TTC6: variants seen among roughly 807,000 people sequenced by gnomAD.
TTC6 encodes tetratricopeptide repeat protein 6.
Under a neutral mutation model 210.4 loss-of-function variants are expected in TTC6, and 172 were observed. The ratio of observed to expected loss-of-function variants is 0.82; its 90% CI spans 0.72 to 0.93. The LOEUF is 0.93. Ranked by LOEUF, TTC6 falls within the 40% of genes least tolerant of loss-of-function variation. TTC6 has a pLI of 0.00. For missense variants in TTC6, 2,414 were observed against 2,318.1 expected, an observed-to-expected ratio of 1.04 and a Z score of -0.85; for synonymous variants, 804 against 819.6, an observed-to-expected ratio of 0.98 and a Z score of 0.32.
chr14:37,619,341 T>C (rs1403087506), upstream of TTC6, among the ~76,000 whole-genome samples: 1 of 152,190 alleles, frequency 6.6e-6, no homozygotes, highest in East Asian at 1.9e-4. Context: ...ATTTGGGGGA[T>C]AAACAGGAGA....
intron 29 of TTC6, among the ~76,000 whole-genome samples, chr14:37,828,892 G>A (rs1188395156): frequency 1.3e-5 from 2 of 151,816 alleles, no homozygotes; most frequent in African/African-American, 4.8e-5. Context: ...TTATTTGAGG[G>A]TTCCTATATA....
rs2095609038 is a variant in TTC6, at chr14:37,598,547, C to T, written c.-235+2539C>T. ...TCGGTCCTTTGACCACGCTTGGCTG[C>T]CTCAGCTTACACTTCCCAGCAGGAT... On this transcript the variant is annotated intron_variant, in intron 1 of 2. Coordinates refer to the TTC6 transcript ENST00000556845. The surrounding 1 kb of genome is among the most constrained non-coding windows in gnomAD (Gnocchi z 4.9). Among the ~76,000 whole-genome samples the T allele has an allele frequency of 6.6e-6, 1 of 152,226 alleles. No homozygotes were observed. The highest frequency in any genetic ancestry group is 2.1e-4 in the South Asian group (1 of 4,836).
intron 3 of TTC6, among the ~76,000 whole-genome samples, chr14:37,696,079 C>A (rs944167624): frequency 1.3e-5 from 2 of 152,076 alleles, no homozygotes; most frequent in African/African-American, 4.8e-5. Flanking sequence ...CTTCATCACC[C>A]AAGAAGTTGC....
chr14:37,659,694 T>C (rs1229521660), intron 1 of TTC6, among the ~76,000 whole-genome samples: 1 of 152,142 alleles, frequency 6.6e-6, no homozygotes. Context: ...CTAATTTTTG[T>C]ATTTTTAGTA....
intron 1 of TTC6, 23 bp downstream of exon 1, chr14:37,596,031 A>T (rs981103183): frequency 6.7e-6 from 1 of 148,836 alleles, no homozygotes; most frequent in Non-Finnish European, 1.5e-5. Context: ...ACCGGTTTAT[A>T]TCTTTATGAC....
intron 14 of TTC6, among the ~76,000 whole-genome samples, chr14:37,771,994 C>A (rs2096020555): frequency 6.6e-6 from 1 of 152,008 alleles, no homozygotes; most frequent in Non-Finnish European, 1.5e-5. Flanking sequence ...TGTGAATGTC[C>A]TTTCTGTTTG....
At chr14:37,667,583 A>C (rs2095750630) in intron 1 of TTC6, among the ~76,000 whole-genome samples, 1 of 150,638 alleles carries the variant, frequency 6.6e-6, no homozygotes. Flanking sequence ...TCCCATTTAG[A>C]CTCAAGACAG....
intron 7 of TTC6, among the ~76,000 whole-genome samples, chr14:37,726,594 C>T (rs1269143724): frequency 6.6e-6 from 1 of 151,642 alleles, no homozygotes; most frequent in Non-Finnish European, 1.5e-5. Context: ...TTGGACTTTG[C>T]TATCAGAGCT....
chr14:37,645,491 G>C (rs2095699922), intron 1 of TTC6, among the ~76,000 whole-genome samples: 1 of 152,174 alleles, frequency 6.6e-6, no homozygotes, highest in East Asian at 1.9e-4. Flanking sequence ...GTCTTAGATG[G>C]CAATAAGTAA....
intron 26 of TTC6, among the ~76,000 whole-genome samples, 197 bp downstream of exon 28, chr14:37,817,848 T>A (rs956828073): frequency 4.6e-5 from 7 of 152,156 alleles, no homozygotes; most frequent in Non-Finnish European, 8.8e-5. Context: ...CTCAGCACCC[T>A]TCTGCCTTCT....
intron 29 of TTC6, among the ~76,000 whole-genome samples, chr14:37,837,167 C>G (rs1457772583): frequency 2.6e-5 from 4 of 152,156 alleles, no homozygotes; most frequent in Non-Finnish European, 5.9e-5. Flanking sequence ...TATTTGGAAG[C>G]TATAGTAGAA....
At chr14:37,656,290 C>T (rs1373667034) in intron 1 of TTC6, among the ~76,000 whole-genome samples, 1 of 152,154 alleles carries the variant, frequency 6.6e-6, no homozygotes, top group Admixed American at 6.5e-5. Flanking sequence ...CCAAGATAGA[C>T]TCCTTTAAAG....
At chr14:37,795,222 A>G (rs1434605431) in intron 17 of TTC6, 48 bp from the exon 20 acceptor site, 2 of 1,298,358 alleles carry the variant, frequency 1.5e-6, no homozygotes, top group Non-Finnish European at 2.1e-6. Flanking sequence ...ATCAGAAAGG[A>G]AGCAATCGAT....
At chr14:37,814,477 C>T (rs1296826506) in intron 25 of TTC6, among the ~76,000 whole-genome samples, 2 of 151,872 alleles carry the variant, frequency 1.3e-5, no homozygotes, top group African/African-American at 2.4e-5. Flanking sequence ...AGCAGAGAAA[C>T]AGAAATGGAG....
intron 7 of TTC6, among the ~76,000 whole-genome samples, chr14:37,731,693 C>A (rs554798999): frequency 6.6e-6 from 1 of 152,158 alleles, no homozygotes; most frequent in Non-Finnish European, 1.5e-5. Flanking sequence ...TTAGTAAACA[C>A]TTTTACCTTA....
chr14:37,684,666 G>C (rs2138573801), intron 3 of TTC6, among the ~76,000 whole-genome samples: 1 of 152,264 alleles, frequency 6.6e-6, no homozygotes, highest in East Asian at 1.9e-4. Context: ...TTCCCACCAA[G>C]TCTTCTCCAA....
intron 14 of TTC6, among the ~76,000 whole-genome samples, chr14:37,766,051 T>C (rs2095998304): frequency 6.6e-6 from 1 of 152,170 alleles, no homozygotes; most frequent in Non-Finnish European, 1.5e-5. Context: ...ACTCTTTGAG[T>C]TCATCCTGAT....
chr14:37,829,996 A>T (rs2096180797), intron 29 of TTC6, among the ~76,000 whole-genome samples: 1 of 152,160 alleles, frequency 6.6e-6, no homozygotes, highest in South Asian at 2.1e-4. Flanking sequence ...CTTCCCCACA[A>T]TAATTTCTTG....
chr14:37,830,084 G>A (rs2096180976), intron 29 of TTC6, among the ~76,000 whole-genome samples: 1 of 151,998 alleles, frequency 6.6e-6, no homozygotes. Context: ...TTTGCATGTT[G>A]ATAGCTGTTT....
Sources: allele counts gnomAD v4.1 joint callset (sites outside exome capture counted in the v4.1 genomes callset), GRCh38; gene constraint gnomAD v4.1.1; non-coding constraint Gnocchi (gnomAD v3.1); transcripts MANE v1.5; gene names NCBI Gene and HGNC (gene_info 2026-07-23, HGNC 2026-07-21).